Variants in DLGAP1 observed in about 807,000 individuals in gnomAD.
The protein encoded by DLGAP1 is disks large-associated protein 1.
In DLGAP1, 11 loss-of-function variants were observed where a neutral mutation model predicts 90.8. The observed-to-expected ratio is 0.12, with a 90% CI of 0.08 to 0.20. The LOEUF (loss-of-function observed/expected upper bound fraction) is 0.20, where lower values mean the gene tolerates loss of function less well. Among genes scored for constraint, DLGAP1 ranks in the 10% least tolerant of loss-of-function variants. The pLI is 1.00. For synonymous variants in DLGAP1, 558 were observed against 540.7 expected, an observed-to-expected ratio of 1.03 and a Z score of -0.44; for missense variants, 1,050 against 1,333.8, an observed-to-expected ratio of 0.79 and a Z score of 3.31.
rs1366466196 is a variant in DLGAP1 at position 4,140,163 on chromosome 18, T to C, written c.-159+11017A>G. 2.0e-5 allele frequency among the ~76,000 whole-genome samples: 3 copies of C among 152,112 alleles called. No homozygotes were observed. In the East Asian group the frequency reaches 5.8e-4, roughly 29 times the overall value. On this transcript the variant is annotated intron_variant, in intron 2 of 12. Coordinates refer to ENST00000315677, the MANE Select transcript of DLGAP1 (RefSeq NM_004746.4). ...ATTTTGTTACCTGTGTTCTGGGTGT[T>C]TTGTGATCATTTCTTGCTTCTTTCT...
intron 7 of DLGAP1, among the ~76,000 whole-genome samples, chr18:3,664,211 CA>C (rs1567923364): frequency 3.9e-4 from 48 of 122,130 alleles, no homozygotes; most frequent in African/African-American, 1.9e-3. Context: ...CACACACACA[CA>C]CACACCCACA....
chr18:3,663,462 C>T (rs1259614422), intron 7 of DLGAP1, among the ~76,000 whole-genome samples: 1 of 152,108 alleles, frequency 6.6e-6, no homozygotes, highest in Non-Finnish European at 1.5e-5. Flanking sequence ...TTCGTTATTC[C>T]CTTTGGTCTG....
At chr18:3,631,277 C>A (rs910856999) in intron 7 of DLGAP1, among the ~76,000 whole-genome samples, 2 of 152,050 alleles carry the variant, frequency 1.3e-5, no homozygotes, top group African/African-American at 2.4e-5. Flanking sequence ...AGCCACCGTG[C>A]CTGGCTGACT....
intron 7 of DLGAP1, among the ~76,000 whole-genome samples, chr18:3,659,396 C>T (rs186421184): frequency 1.5e-3 from 121 of 81,258 alleles, no homozygotes; most frequent in African/African-American, 4.6e-3. Flanking sequence ...TACATTTATA[C>T]ACACACACAC....
At chr18:3,980,605 C>G (rs1286640600) in intron 3 of DLGAP1, among the ~76,000 whole-genome samples, 1 of 152,180 alleles carries the variant, frequency 6.6e-6, no homozygotes, top group Non-Finnish European at 1.5e-5. Flanking sequence ...AGCTTTCCTA[C>G]TCCTTTCCGG....
intron 6 of DLGAP1, among the ~76,000 whole-genome samples, chr18:3,735,417 G>A (rs562372078): frequency 2.0e-5 from 3 of 152,074 alleles, no homozygotes; most frequent in Non-Finnish European, 4.4e-5. Flanking sequence ...TAGAGAAGGG[G>A]TTTCACCATA....
At chr18:4,445,675 G>C (rs1469877622) in intron 1 of DLGAP1, among the ~76,000 whole-genome samples, 3 of 151,932 alleles carry the variant, frequency 2.0e-5, no homozygotes, top group Non-Finnish European at 2.9e-5. Flanking sequence ...TCAAGCCTAT[G>C]AGACATGCAA....
At chr18:3,818,072 A>T (rs552476928) in intron 4 of DLGAP1, among the ~76,000 whole-genome samples, 1 of 152,254 alleles carries the variant, frequency 6.6e-6, no homozygotes, top group East Asian at 1.9e-4. Flanking sequence ...ATAAAAGCAA[A>T]CTAATACAGG....
chr18:4,284,677 A>G (rs960128047), intron 1 of DLGAP1, among the ~76,000 whole-genome samples: 10 of 152,138 alleles, frequency 6.6e-5, no homozygotes, highest in Non-Finnish European at 1.5e-4. Context: ...CTATGTTACA[A>G]CTAAGGAGGT....
At chr18:3,742,980 T>G (rs912322179) in intron 5 of DLGAP1, among the ~76,000 whole-genome samples, 1 of 151,656 alleles carries the variant, frequency 6.6e-6, no homozygotes, top group Non-Finnish European at 1.5e-5. Flanking sequence ...CTTCCTTCCT[T>G]CCTTCCTTCC....
At chr18:4,118,195 A>G (rs1227597226) in intron 2 of DLGAP1, among the ~76,000 whole-genome samples, 1 of 151,860 alleles carries the variant, frequency 6.6e-6, no homozygotes, top group Non-Finnish European at 1.5e-5. Context: ...GGAATTCTCC[A>G]CGCTCCATTC....
chr18:4,371,602 T>C (rs779186430), intron 1 of DLGAP1, among the ~76,000 whole-genome samples: 12 of 152,240 alleles, frequency 7.9e-5, no homozygotes, highest in Non-Finnish European at 1.8e-4. Flanking sequence ...TTTTAATTAT[T>C]GAGTCTTTAA....
rs911215417 is a variant in DLGAP1 at position 3,612,822 on chromosome 18, C to G, written c.1592-30574G>C. On this transcript the variant is annotated intron_variant, in intron 7 of 12. Coordinates refer to ENST00000315677, the MANE Select transcript of DLGAP1 (RefSeq NM_004746.4). Reference sequence around the variant, plus strand: ...CTTTGTGTTAGCTATATCTTCAAGTCTATCACAATATTTTAGTCCATTTCC... The same window carrying G: ...CTTTGTGTTAGCTATATCTTCAAGTGTATCACAATATTTTAGTCCATTTCC... Among the ~76,000 whole-genome samples the G allele has an allele frequency of 7.9e-5, 12 of 152,192 alleles. No individual in the cohort carries two copies. The East Asian group carries it at 2.3e-3, about 29-fold the overall frequency.
At position 3,660,245 on chromosome 18, in the gene DLGAP1, G is replaced by A. The variant is rs1441245265; in HGVS notation, c.1591+68890C>T. 6.6e-6 allele frequency among the ~76,000 whole-genome samples: 1 copy of A among 152,188 alleles called. No homozygotes were observed. Among genetic ancestry groups the A allele is most frequent in the African/African-American group, 2.4e-5 (1 of 41,444 alleles). ...CCTGGCCTTGAACTTCTGATTTCAA[G>A]CAATCCTCCAGCCTCAGACTCCCAA... On this transcript the variant is annotated intron_variant, in intron 7 of 12. Coordinates refer to ENST00000315677, the MANE Select transcript of DLGAP1 (RefSeq NM_004746.4). The surrounding 1 kb of genome is among the most constrained non-coding windows in gnomAD (Gnocchi z 4.2).
chr18:3,842,679 A>G (rs916505724), intron 4 of DLGAP1, among the ~76,000 whole-genome samples: 12 of 151,670 alleles, frequency 7.9e-5, no homozygotes, highest in African/African-American at 1.2e-4. Flanking sequence ...AGGTATCAAG[A>G]TTGGCCCCAT....
chr18:4,406,252 T>G (rs956327835), intron 1 of DLGAP1, among the ~76,000 whole-genome samples: 2 of 152,150 alleles, frequency 1.3e-5, no homozygotes, highest in East Asian at 1.9e-4. Flanking sequence ...GTAGTTTCCA[T>G]TTTTCATCTG....
At chr18:3,764,522 C>A (rs2064125832) in intron 5 of DLGAP1, among the ~76,000 whole-genome samples, 1 of 152,202 alleles carries the variant, frequency 6.6e-6, no homozygotes, top group African/African-American at 2.4e-5. Flanking sequence ...TGTGATGTAC[C>A]TCTCTCAACT....
intron 5 of DLGAP1, among the ~76,000 whole-genome samples, chr18:3,789,494 T>C (rs2065622520): frequency 6.6e-6 from 1 of 152,032 alleles, no homozygotes; most frequent in Non-Finnish European, 1.5e-5. Flanking sequence ...GTGGATGAGA[T>C]TGTCTAAAGA....
intron 4 of DLGAP1, among the ~76,000 whole-genome samples, chr18:3,855,895 G>A (rs1466726079): frequency 6.6e-6 from 1 of 152,200 alleles, no homozygotes; most frequent in African/African-American, 2.4e-5. Flanking sequence ...ACAGGCGTGA[G>A]CCACCACGCC....
Sources: gnomAD v4.1 joint callset for allele counts (sites outside exome capture counted in the v4.1 genomes callset) on GRCh38, gnomAD v4.1.1 for gene constraint, Gnocchi (gnomAD v3.1) non-coding constraint, MANE v1.5 for transcripts, NCBI Gene and HGNC (gene_info 2026-07-23, HGNC 2026-07-21) for gene names.